The following PTPRN2 variants were observed in gnomAD, a reference collection of about 807,000 sequenced individuals.
PTPRN2 encodes protein tyrosine phosphatase receptor type N2.
In PTPRN2, 74 loss-of-function variants were observed where a neutral mutation model predicts 118.8. The ratio of observed to expected loss-of-function variants is 0.62; its 90% confidence interval spans 0.52 to 0.76. The LOEUF (loss-of-function observed/expected upper bound fraction) is 0.76. Ranked by LOEUF, PTPRN2 falls within the 30% of genes least tolerant of loss-of-function variation. The pLI, the probability that PTPRN2 is intolerant of heterozygous loss-of-function variation, is 0.00. For synonymous variants in PTPRN2, 641 were observed against 608.0 expected, an observed-to-expected ratio of 1.05 and a Z score of -0.80; for missense variants, 1,481 against 1,394.4, an observed-to-expected ratio of 1.06 and a Z score of -0.99.
rs551790631 is a variant in PTPRN2 at position 157,857,872 on chromosome 7, A to T, written c.1788+40801T>A. 1.8e-4 allele frequency: 28 copies of T among 153,036 alleles called. 1 individual carries two copies. The South Asian group carries it at 5.6e-3, about 30-fold the overall frequency. The allele number at this position is 153,036 out of a possible 1,614,324, so 9.5% of individuals were successfully genotyped here. A position where few individuals can be genotyped will look rare whatever the true frequency, so the allele number is the denominator to read the frequency against. The stretch of plus-strand genomic sequence containing the variant: ...GTTGGGGGTGGAATCACAAAGCAGG[A>T]GTGTCTGCCAGGAGCACGTGTGCCC... On this transcript the variant is annotated intron_variant, in intron 12 of 22. Transcript: ENST00000389418.
At chr7:158,198,277 T>A (rs544512488) in intron 4 of PTPRN2, among the ~76,000 whole-genome samples, 6 of 152,324 alleles carry the variant, frequency 3.9e-5, no homozygotes, top group Admixed American at 3.9e-4. Context: ...TTATGCCGCG[T>A]GGTGTTGTAG....
chr7:158,012,475 G>A (rs569541394), intron 11 of PTPRN2, among the ~76,000 whole-genome samples: 4 of 152,346 alleles, frequency 2.6e-5, no homozygotes, highest in South Asian at 4.1e-4. Flanking sequence ...TTCACAAAGC[G>A]TAGAAAGAAG....
At chr7:158,551,037 C>T (rs564065121) in intron 1 of PTPRN2, among the ~76,000 whole-genome samples, 1 of 152,310 alleles carries the variant, frequency 6.6e-6, no homozygotes, top group Non-Finnish European at 1.5e-5. Context: ...AGCACGGGGC[C>T]CTTGGAGAAG....
intron 2 of PTPRN2, among the ~76,000 whole-genome samples, chr7:158,351,081 T>G (rs1807889830): frequency 6.6e-6 from 1 of 152,112 alleles, no homozygotes; most frequent in African/African-American, 2.4e-5. Flanking sequence ...AAAAGCTGCT[T>G]TGGGGAATGC....
intron 2 of PTPRN2, among the ~76,000 whole-genome samples, chr7:158,369,268 TACACACAC>T (rs59470664): frequency 6.9e-6 from 1 of 144,872 alleles, no homozygotes; most frequent in Non-Finnish European, 1.5e-5. Context: ...TATACACACA[TACACACAC>T]ACACACACAC....
chr7:157,936,032 G>A lies in PTPRN2; in HGVS notation c.1724-37295C>T, dbSNP rs1042676058. Among the ~76,000 whole-genome samples, 6 of 152,280 alleles carry A rather than the reference G, an allele frequency of 3.9e-5. No individual in the cohort carries two copies. In the South Asian group the frequency reaches 1.2e-3, roughly 32 times the overall value. ...TCAGCATCTGTGTCGCTCCCTCAGG[G>A]GGGTCTAGCCATCCTCATGGTGCAG... On this transcript the variant is annotated intron_variant, in intron 11 of 22. Transcript: ENST00000389418.
intron 3 of PTPRN2, among the ~76,000 whole-genome samples, chr7:158,261,611 G>A (rs1007264255): frequency 4.6e-5 from 7 of 152,122 alleles, no homozygotes; most frequent in African/African-American, 1.4e-4. Flanking sequence ...GAATGTGGAC[G>A]TCCACTCCAT....
chr7:158,164,229 A>G (rs1311498708), intron 6 of PTPRN2, among the ~76,000 whole-genome samples: 1 of 152,150 alleles, frequency 6.6e-6, no homozygotes, highest in Non-Finnish European at 1.5e-5. Context: ...GCGCGCAGGA[A>G]GGGCTCGCAG....
intron 11 of PTPRN2, among the ~76,000 whole-genome samples, chr7:157,969,701 G>C (rs922631890): frequency 2.0e-5 from 3 of 151,978 alleles, no homozygotes; most frequent in Non-Finnish European, 4.4e-5. Context: ...CAGAAACCTT[G>C]GGCACCTGGG....
chr7:158,102,182 C>A (rs971246270), intron 10 of PTPRN2, among the ~76,000 whole-genome samples: 4 of 152,184 alleles, frequency 2.6e-5, no homozygotes, highest in Non-Finnish European at 5.9e-5. Context: ...AGCAGCAGGG[C>A]GGCCAGGAGG....
chr7:157,950,626 T>C (rs2128800360), intron 11 of PTPRN2, among the ~76,000 whole-genome samples: 1 of 152,376 alleles, frequency 6.6e-6, no homozygotes, highest in African/African-American at 2.4e-5. Flanking sequence ...TTATTTGTGA[T>C]TTCTGCTTCT....
chr7:157,554,045 G>A (rs563251661), intron 21 of PTPRN2, among the ~76,000 whole-genome samples: 2 of 118,004 alleles, frequency 1.7e-5, no homozygotes, highest in Admixed American at 1.7e-4. Context: ...GATCCTGCCC[G>A]CTCGCGTGCC....
chr7:157,697,368 T>C (rs537308800), intron 12 of PTPRN2, among the ~76,000 whole-genome samples: 26 of 137,142 alleles, frequency 1.9e-4, no homozygotes, highest in African/African-American at 7.0e-4. Flanking sequence ...CATCTACCCA[T>C]GCATACTGGG....
intron 6 of PTPRN2, among the ~76,000 whole-genome samples, chr7:158,164,315 G>A (rs1293182593): frequency 2.0e-4 from 30 of 151,054 alleles, no homozygotes; most frequent in African/African-American, 6.8e-4. Context: ...GCAGGAGCGC[G>A]TGCGTAAGAA....
intron 12 of PTPRN2, among the ~76,000 whole-genome samples, chr7:157,819,192 G>A (rs1225175404): frequency 6.6e-6 from 1 of 152,196 alleles, no homozygotes; most frequent in African/African-American, 2.4e-5. Flanking sequence ...CCAGGGCTCT[G>A]CTGCCTGGGA....
chr7:157,827,832 G>A (rs1047282769), intron 12 of PTPRN2, among the ~76,000 whole-genome samples: 14 of 152,220 alleles, frequency 9.2e-5, no homozygotes, highest in Non-Finnish European at 1.9e-4. Context: ...GACGGCCACC[G>A]TGTCACGGGC....
chr7:158,188,755 C>A (rs1825507358), intron 5 of PTPRN2, among the ~76,000 whole-genome samples: 1 of 151,508 alleles, frequency 6.6e-6, no homozygotes, highest in South Asian at 2.1e-4. Flanking sequence ...ATGGGGAAGG[C>A]CGCCACGCTC....
intron 11 of PTPRN2, chr7:158,031,161 C>T (rs1226121193): frequency 6.6e-6 from 1 of 152,208 alleles, no homozygotes; most frequent in Non-Finnish European, 1.5e-5. Context: ...AATATTTTCC[C>T]AGTCTTCCTG....
intron 2 of PTPRN2, among the ~76,000 whole-genome samples, chr7:158,371,384 T>C (rs979755435): frequency 5.3e-5 from 8 of 152,258 alleles, no homozygotes; most frequent in African/African-American, 1.9e-4. Context: ...TAACCTTCTA[T>C]TTTTAAATAC....
Sources: allele counts gnomAD v4.1 joint callset (sites outside exome capture counted in the v4.1 genomes callset), GRCh38; gene constraint gnomAD v4.1.1; transcripts MANE v1.5; gene names NCBI Gene and HGNC (gene_info 2026-07-23, HGNC 2026-07-21).